The following ST8SIA6 variants were observed in gnomAD, a reference collection of about 807,000 sequenced individuals.
ST8SIA6 encodes alpha-2,8-sialyltransferase 8F.
ST8SIA6 carries 39 observed loss-of-function variants against 33.6 expected under a neutral mutation model. The ratio of observed to expected loss-of-function variants is 1.16; its 90% CI spans 0.90 to 1.52. The LOEUF is 1.52. ST8SIA6 is among the 40% of genes most tolerant of loss of function. The pLI, the probability that ST8SIA6 is intolerant of heterozygous loss-of-function variation, is 0.00. For synonymous variants in ST8SIA6, 172 were observed against 167.2 expected, an observed-to-expected ratio of 1.03 and a Z score of -0.22; for missense variants, 441 against 443.8, an observed-to-expected ratio of 0.99 and a Z score of 0.06.
intron 3 of ST8SIA6, among the ~76,000 whole-genome samples, chr10:17,370,129 C>A (rs916198747): frequency 4.6e-5 from 7 of 151,974 alleles, no homozygotes; most frequent in Admixed American, 2.0e-4. Flanking sequence ...TACAGGCGCC[C>A]GCCACCACAC....
At chr10:17,413,074 G>C (rs1397796877) in intron 2 of ST8SIA6, among the ~76,000 whole-genome samples, 1 of 152,146 alleles carries the variant, frequency 6.6e-6, no homozygotes, top group Non-Finnish European at 1.5e-5. Flanking sequence ...GAGAATTTGA[G>C]ATCAGTGTTT....
chr10:17,341,486 T>G (rs765105089), intron 4 of ST8SIA6, among the ~76,000 whole-genome samples: 3 of 152,134 alleles, frequency 2.0e-5, no homozygotes, highest in Admixed American at 6.5e-5. Context: ...ACTGAATGCT[T>G]GTGTCTCCCC....
chr10:17,380,927 GTGTGTT>G (rs1850126862), intron 3 of ST8SIA6, among the ~76,000 whole-genome samples: 1 of 151,744 alleles, frequency 6.6e-6, no homozygotes, highest in African/African-American at 2.4e-5. Context: ...GCGTGTGTGT[GTGTGTT>G]TGTGTGTATG....
At chr10:17,437,955 T>C (rs1176498805) in intron 2 of ST8SIA6, among the ~76,000 whole-genome samples, 2 of 151,866 alleles carry the variant, frequency 1.3e-5, no homozygotes, top group African/African-American at 2.4e-5. Context: ...GATCTCGAAC[T>C]CCTGACTTCG....
intron 4 of ST8SIA6, among the ~76,000 whole-genome samples, chr10:17,347,674 C>CT (rs201656575): frequency 0.015 from 2,281 of 152,188 alleles, 34 homozygotes; most frequent in Non-Finnish European, 0.02. Context: ...CTCCAGGGGT[C>CT]TAATTGCAAG....
chr10:17,407,084 G>A (rs753695530), intron 2 of ST8SIA6, among the ~76,000 whole-genome samples: 17 of 152,004 alleles, frequency 1.1e-4, no homozygotes, highest in African/African-American at 3.4e-4. Context: ...GAACCACCAC[G>A]TCCGGCTACT....
At chr10:17,446,890 A>AAG (rs1239977258) in intron 2 of ST8SIA6, among the ~76,000 whole-genome samples, 3 of 151,692 alleles carry the variant, frequency 2.0e-5, no homozygotes, top group African/African-American at 7.3e-5. Context: ...CCAAAAAAAA[A>AAG]AAAAATTAGC....
rs1847842313 is a variant in ST8SIA6, at chr10:17,318,446, C to T, written c.*2432G>A. 2 of 335,956 alleles carry T rather than the reference C, an allele frequency of 6.0e-6. No homozygotes were observed. Among genetic ancestry groups the T allele is most frequent in the African/African-American group, 4.3e-5 (2 of 46,260 alleles). 20.8% of individuals were successfully genotyped at this position (335,956 alleles called of 1,614,324 possible). A position where few individuals can be genotyped will look rare whatever the true frequency, so the allele number is the denominator to read the frequency against. Reference sequence around the variant, plus strand: ...GCCCAGGCTAGTCTCAAACTCCTGGCCTCAAGTGACCCACCCACCTTGGCC... The same window carrying T: ...GCCCAGGCTAGTCTCAAACTCCTGGTCTCAAGTGACCCACCCACCTTGGCC... On this transcript the variant is annotated 3_prime_UTR_variant, in exon 8 of 8. Transcript: ENST00000377602.
At chr10:17,395,937 G>C (rs1850789874) in intron 2 of ST8SIA6, among the ~76,000 whole-genome samples, 1 of 152,130 alleles carries the variant, frequency 6.6e-6, no homozygotes, top group Non-Finnish European at 1.5e-5. Flanking sequence ...GTTCACATCA[G>C]AACTGCCAAA....
At chr10:17,341,532 A>G (rs903079228) in intron 4 of ST8SIA6, among the ~76,000 whole-genome samples, 2 of 152,120 alleles carry the variant, frequency 1.3e-5, no homozygotes, top group African/African-American at 4.8e-5. Context: ...CCCCAGTATG[A>G]TGGTATTAGG....
At chr10:17,441,849 A>G (rs1206680746) in intron 2 of ST8SIA6, among the ~76,000 whole-genome samples, 1 of 151,970 alleles carries the variant, frequency 6.6e-6, no homozygotes, top group Non-Finnish European at 1.5e-5. Flanking sequence ...TATTGTTTTT[A>G]TAGTAAAGAC....
chr10:17,333,710 T>TAGATATATATATATAG (rs1564405082), intron 4 of ST8SIA6, among the ~76,000 whole-genome samples: 2 of 35,108 alleles, frequency 5.7e-5, no homozygotes, highest in African/African-American at 2.3e-4. Flanking sequence ...TATATATATA[T>TAGATATATATATATAG]ATATATATTT....
At chr10:17,341,041 G>C (rs954763095) in intron 4 of ST8SIA6, among the ~76,000 whole-genome samples, 5 of 152,210 alleles carry the variant, frequency 3.3e-5, no homozygotes, top group African/African-American at 4.8e-5. Context: ...GGTATTACAG[G>C]TTGAGAACAA....
At chr10:17,441,964 G>A (rs978967859) in intron 2 of ST8SIA6, among the ~76,000 whole-genome samples, 8 of 151,776 alleles carry the variant, frequency 5.3e-5, no homozygotes, top group African/African-American at 1.9e-4. Context: ...CACCTCCCAG[G>A]TTCAAGCGAT....
intron 2 of ST8SIA6, among the ~76,000 whole-genome samples, chr10:17,416,054 G>A (rs550107449): frequency 8.6e-5 from 13 of 151,628 alleles, no homozygotes; most frequent in Admixed American, 3.9e-4. Flanking sequence ...GTGATCCACC[G>A]GCCTCAGCCT....
At chr10:17,388,752 G>A (rs1407388875) in intron 3 of ST8SIA6, among the ~76,000 whole-genome samples, 4 of 152,024 alleles carry the variant, frequency 2.6e-5, no homozygotes, top group African/African-American at 9.7e-5. Context: ...GGTGTAGGCC[G>A]AGCTAACTTT....
chr10:17,434,704 G>A (rs528394245), intron 2 of ST8SIA6, among the ~76,000 whole-genome samples: 1 of 152,128 alleles, frequency 6.6e-6, no homozygotes, highest in Admixed American at 6.5e-5. Flanking sequence ...CAGGAATGAA[G>A]GGTGAACCTG....
At position 17,321,062 on chromosome 10, in the gene ST8SIA6, A is replaced by C; in HGVS notation, c.1013T>G (p.Val338Gly). Residue 338 changes from valine (V) to glycine (G), a missense_variant, in exon 8 of 8, where the codon GTG (valine) becomes GGG (glycine). Physicochemically the swap from Val to Gly is moderately radical, Grantham distance 109 (BLOSUM62 -3). Transcript: ENST00000377602. ...TSVAVELCKN[V>G]KLYGFWPFSK... ...GAAGGGCCAGAATCCATACAGCTTC[A>C]CATTTTTACACAGTTCCACTGCAAC... is the stretch of plus-strand genomic sequence containing the variant. 6.2e-7 allele frequency: 1 copy of C among 1,614,098 alleles called. No individual in the cohort carries two copies. The highest frequency in any genetic ancestry group is 8.5e-7 in the Non-Finnish European group (1 of 1,179,980).
rs1434511744 is a variant in ST8SIA6 at position 17,331,499 on chromosome 10, T to A, written c.431A>T (p.Asn144Ile). 4 of 1,613,400 alleles carry A rather than the reference T, an allele frequency of 2.5e-6. No individual in the cohort carries two copies. In the African/African-American group the frequency reaches 5.3e-5, roughly 22 times the overall value. ...DAVQNFVVSQNNTPVGTNMSY... is the reference protein window; with the variant it reads ...DAVQNFVVSQINTPVGTNMSY... ...CATATTAGTCCCAACTGGAGTGTTA[T>A]TCTGAGAAACAACAAAGTTTTGAAC... The change falls in exon 5 of 8, where the codon AAT (asparagine) becomes ATT (isoleucine). Residue 144 changes from asparagine (N) to isoleucine (I), a missense_variant. Physicochemically the swap from Asn to Ile is moderately radical, Grantham distance 149. Coordinates refer to ENST00000377602, the MANE Select transcript of ST8SIA6 (RefSeq NM_001004470.3).
Sources: gnomAD v4.1 joint callset for allele counts (sites outside exome capture counted in the v4.1 genomes callset) on GRCh38, gnomAD v4.1.1 for gene constraint, MANE v1.5 for transcripts, NCBI Gene and HGNC (gene_info 2026-07-23, HGNC 2026-07-21) for gene names.